Variants in NPAS3 observed in about 807,000 individuals in gnomAD.
The protein encoded by NPAS3 is neuronal PAS domain protein 3.
NPAS3 carries 14 observed loss-of-function variants against 73.1 expected under a neutral mutation model. That is an observed-to-expected ratio of 0.19 (90% confidence interval 0.13 to 0.30). The LOEUF is 0.30. Among genes scored for constraint, NPAS3 ranks in the 10% least tolerant of loss-of-function variants. NPAS3 has a pLI of 1.00. For missense variants in NPAS3, 1,096 were observed against 1,250.0 expected (o/e 0.88, Z 1.86); for synonymous variants, 620 against 541.5 (o/e 1.14, Z -2.01).
At chr14:33,260,674 T>C (rs553218286) in intron 3 of NPAS3, among the ~76,000 whole-genome samples, 3 of 152,212 alleles carry the variant, frequency 2.0e-5, no homozygotes, top group Non-Finnish European at 4.4e-5. Context: ...TTCTCACCGA[T>C]AACAGTTTTG....
chr14:33,390,129 GA>G (rs2046939623), intron 4 of NPAS3, among the ~76,000 whole-genome samples: 1 of 152,182 alleles, frequency 6.6e-6, no homozygotes, highest in Non-Finnish European at 1.5e-5. Flanking sequence ...ATACTGGAAA[GA>G]GATTCATTCT....
intron 1 of NPAS3, among the ~76,000 whole-genome samples, chr14:32,964,591 T>C (rs1331890030): frequency 2.0e-5 from 3 of 152,252 alleles, no homozygotes; most frequent in Non-Finnish European, 4.4e-5. Context: ...GAAGATTTAA[T>C]AGATACATCT....
At chr14:32,975,292 C>CCCTT (rs1566421784) in intron 1 of NPAS3, among the ~76,000 whole-genome samples, 4 of 24,780 alleles carry the variant, frequency 1.6e-4, no homozygotes, top group African/African-American at 4.1e-4. Context: ...TCTATTCCTT[C>CCCTT]CCTCCCTCCC....
chr14:33,111,328 T>C (rs1188143811), intron 2 of NPAS3, among the ~76,000 whole-genome samples: 1 of 152,182 alleles, frequency 6.6e-6, no homozygotes, highest in Non-Finnish European at 1.5e-5. Flanking sequence ...GGGTAGAGCG[T>C]AGAACGGTGA....
intron 7 of NPAS3, among the ~76,000 whole-genome samples, chr14:33,750,215 C>CT (rs528359092): frequency 9.4e-4 from 136 of 144,964 alleles, no homozygotes; most frequent in Non-Finnish European, 9.6e-4. Context: ...TCAGCTATTC[C>CT]TTTTTTTTTT....
intron 7 of NPAS3, among the ~76,000 whole-genome samples, chr14:33,765,147 C>T (rs1595572726): frequency 6.6e-6 from 1 of 151,942 alleles, no homozygotes; most frequent in South Asian, 2.1e-4. Context: ...TTTTATGCTA[C>T]GTATGTGAAG....
At chr14:33,079,822 G>A (rs9322916) in intron 2 of NPAS3, among the ~76,000 whole-genome samples, 50,141 of 150,912 alleles carry the variant, frequency 0.33, 8,502 homozygotes, top group African/African-American at 0.43. Context: ...ATGTTGGCCA[G>A]GCTGGTCTCA....
chr14:33,624,339 G>A (rs982299591), intron 5 of NPAS3, among the ~76,000 whole-genome samples: 3 of 152,182 alleles, frequency 2.0e-5, no homozygotes, highest in Non-Finnish European at 2.9e-5. Context: ...ATGCTCTCCC[G>A]AAGTTGTGTT....
chr14:33,374,374 T>C (rs2046226678), intron 4 of NPAS3, among the ~76,000 whole-genome samples: 1 of 152,116 alleles, frequency 6.6e-6, no homozygotes, highest in Non-Finnish European at 1.5e-5. Flanking sequence ...ACTTTGAAGA[T>C]TGGTAAAGGG....
At chr14:33,132,245 T>C (rs1429459071) in intron 2 of NPAS3, among the ~76,000 whole-genome samples, 1 of 152,064 alleles carries the variant, frequency 6.6e-6, no homozygotes, top group East Asian at 1.9e-4. Context: ...ACTAGTTTAA[T>C]GTGGGCAATA....
intron 5 of NPAS3, among the ~76,000 whole-genome samples, chr14:33,634,667 G>A (rs1211265393): frequency 6.6e-6 from 1 of 152,200 alleles, no homozygotes; most frequent in Non-Finnish European, 1.5e-5. Flanking sequence ...AGTGAATTTA[G>A]TTGGGGGAAT....
intron 3 of NPAS3, among the ~76,000 whole-genome samples, chr14:33,353,699 T>C (rs866253663): frequency 6.6e-6 from 1 of 152,198 alleles, no homozygotes; most frequent in African/African-American, 2.4e-5. Flanking sequence ...ACTCTAGTAG[T>C]GGAGACTGGA....
At chr14:33,037,808 A>G (rs1314142042) in intron 1 of NPAS3, among the ~76,000 whole-genome samples, 1 of 152,256 alleles carries the variant, frequency 6.6e-6, no homozygotes, top group Admixed American at 6.5e-5. Flanking sequence ...ATAATTTAAG[A>G]GGACATTTCT....
chr14:33,556,907 T>C (rs889535525), intron 4 of NPAS3, among the ~76,000 whole-genome samples: 5 of 152,220 alleles, frequency 3.3e-5, no homozygotes, highest in Admixed American at 6.5e-5. Context: ...GTTGCTCTAA[T>C]TGACAATGAC....
chr14:33,127,564 A>G (rs1451365012), intron 2 of NPAS3, among the ~76,000 whole-genome samples: 1 of 152,086 alleles, frequency 6.6e-6, no homozygotes, highest in Non-Finnish European at 1.5e-5. Flanking sequence ...CAAAAAGGAT[A>G]ATAGTTTATC....
At chr14:33,435,411 A>T (rs1334971447) in intron 4 of NPAS3, among the ~76,000 whole-genome samples, 4 of 152,240 alleles carry the variant, frequency 2.6e-5, no homozygotes, top group African/African-American at 9.6e-5. Context: ...TTCTGGGATC[A>T]TCCTGTACAT....
chr14:33,080,275 T>G (rs2041824215), intron 2 of NPAS3, among the ~76,000 whole-genome samples: 1 of 151,898 alleles, frequency 6.6e-6, no homozygotes, highest in South Asian at 2.1e-4. Flanking sequence ...GCCTGGCTAA[T>G]TTTTGTATTT....
intron 5 of NPAS3, among the ~76,000 whole-genome samples, chr14:33,646,362 A>G (rs565542324): frequency 6.6e-6 from 1 of 152,248 alleles, no homozygotes; most frequent in East Asian, 1.9e-4. Context: ...TCTTAAATTT[A>G]TTTAAGACCC....
intron 1 of NPAS3, among the ~76,000 whole-genome samples, chr14:32,942,524 A>G (rs2036062548): frequency 1.3e-5 from 2 of 152,242 alleles, no homozygotes; most frequent in Non-Finnish European, 2.9e-5. Flanking sequence ...GATTTTCTTT[A>G]AACGCCAATA....
Sources: gnomAD v4.1 joint callset for allele counts (sites outside exome capture counted in the v4.1 genomes callset) on GRCh38, gnomAD v4.1.1 for gene constraint, MANE v1.5 for transcripts, NCBI Gene and HGNC (gene_info 2026-07-23, HGNC 2026-07-21) for gene names.